Variants in SP140 observed in about 807,000 individuals in gnomAD.
SP140 encodes SP140 nuclear body protein, also known as nuclear body protein SP140.
In SP140, 81 loss-of-function variants were observed where a neutral mutation model predicts 125.0. The ratio of observed to expected loss-of-function variants is 0.65; its 90% CI spans 0.54 to 0.78. The LOEUF (loss-of-function observed/expected upper bound fraction) is 0.78. Among genes scored for constraint, SP140 ranks in the 30% least tolerant of loss-of-function variants. SP140 has a pLI of 0.00. For missense variants in SP140, 858 were observed against 1,037.0 expected (o/e 0.83, Z 2.37); for synonymous variants, 312 against 354.0 (o/e 0.88, Z 1.33).
At chr2:230,305,859 G>T (rs535711807) in intron 22 of SP140, among the ~76,000 whole-genome samples, 1 of 152,232 alleles carries the variant, frequency 6.6e-6, no homozygotes, top group Admixed American at 6.5e-5. Flanking sequence ...GATCTGCCCC[G>T]AGTTAGAGTG....
intron 22 of SP140, among the ~76,000 whole-genome samples, chr2:230,301,946 A>G (rs978125444): frequency 3.3e-5 from 5 of 152,212 alleles, no homozygotes; most frequent in African/African-American, 4.8e-5. Flanking sequence ...AAGATATGCC[A>G]TGCAAATGGA....
chr2:230,194,248 G>C, the SP140 span, among the ~76,000 whole-genome samples: 1 of 152,070 alleles, frequency 6.6e-6, no homozygotes, highest in Non-Finnish European at 1.5e-5. Context: ...CAGAATCCAA[G>C]AGAATCCCCA....
intron 3 of SP140, 40 bp from the exon 4 acceptor site, chr2:230,241,364 C>T (rs372896340): frequency 7.9e-7 from 1 of 1,258,488 alleles, no homozygotes; most frequent in Non-Finnish European, 1.2e-6. Context: ...CTCCTCTGGT[C>T]ACTGTCTGAG....
the SP140 span, among the ~76,000 whole-genome samples, chr2:230,194,035 G>A: frequency 3.3e-3 from 500 of 152,262 alleles, 3 homozygotes; most frequent in African/African-American, 0.012. Context: ...AGGCAGTGGG[G>A]TGGGGAACTA....
At chr2:230,202,058 G>T (rs1480782346), upstream of SP140, among the ~76,000 whole-genome samples, 1 of 152,108 alleles carries the variant, frequency 6.6e-6, no homozygotes, top group Admixed American at 6.5e-5. Context: ...TTTTTATAAA[G>T]CTCACTCACA....
chr2:230,222,845 T>G (rs1324173592), upstream of SP140, among the ~76,000 whole-genome samples: 8 of 151,288 alleles, frequency 5.3e-5, no homozygotes, highest in Non-Finnish European at 1.2e-4. Flanking sequence ...TTAAAGTTTT[T>G]TTTTTTTTTT....
intron 18 of SP140, 47 bp downstream of exon 18, chr2:230,288,013 T>A: frequency 2.0e-6 from 3 of 1,496,782 alleles, no homozygotes; most frequent in Non-Finnish European, 2.8e-6. Context: ...AACATCTAAT[T>A]TCCTGTGCGG....
chr2:230,237,783 C>T lies in SP140; in HGVS notation c.238-430C>T, dbSNP rs2048194448. Among the ~76,000 whole-genome samples, 1 of 152,030 alleles carries T rather than the reference C, an allele frequency of 6.6e-6. No homozygotes were observed. The highest frequency in any genetic ancestry group is 2.4e-5 in the African/African-American group (1 of 41,358). On this transcript the variant is annotated intron_variant, in intron 2 of 26. Transcript: ENST00000392045. This position sits in a 1 kb window ranked among gnomAD's most constrained non-coding sequence, Gnocchi z 5.4. ...GCCCTTAGGGATACTGAGGACAAGG[C>T]TTCTTCTTGTCTTTGTGAATTTTCT...
At chr2:230,245,824 A>T in intron 6 of SP140, 39 bp from the exon 7 acceptor site, 1 of 1,345,298 alleles carries the variant, frequency 7.4e-7, no homozygotes, top group Non-Finnish European at 1.1e-6. Flanking sequence ...TGTCCAGGTC[A>T]CTGCCAATTG....
upstream of SP140, chr2:230,225,571 T>C: frequency 3.8e-6 from 2 of 526,368 alleles, no homozygotes; most frequent in Non-Finnish European, 3.4e-6. Flanking sequence ...TTGAATGACT[T>C]TTCCACCCTC....
Position 230,236,842 on chromosome 2 carries a change from G to A in SP140, c.60-241G>A, listed in dbSNP as rs1183409306. Among the ~76,000 whole-genome samples, 5 of 152,270 alleles carry A rather than the reference G, an allele frequency of 3.3e-5. No individual in the cohort carries two copies. The South Asian group carries it at 1.0e-3, about 32-fold the overall frequency. ...AAGGTCTCTTTATAATAGTTTGATT[G>A]GAACAGGGTGAGCCTTTTTACTTCT... On this transcript the variant is annotated intron_variant, in intron 1 of 26. Transcript: ENST00000392045.
intron 1 of SP140, chr2:230,209,956 C>T: frequency 6.2e-7 from 1 of 1,609,068 alleles, no homozygotes. Context: ...GTGTGCTGGA[C>T]ACCTCCTGGG....
chr2:230,203,895 A>C (rs974180748), intron 1 of SP140, among the ~76,000 whole-genome samples: 1 of 152,118 alleles, frequency 6.6e-6, no homozygotes, highest in African/African-American at 2.4e-5. Context: ...TACAAGATAA[A>C]AGAGTCCTGG....
In SP140 at chr2:230,237,030, C is replaced by T; in HGVS notation, c.60-53C>T. ...CATGTCTAAAATCTTCTAACCACCACAAACCTCTTGGAAACTCAGTGTCTA... is the reference window on the plus strand; with the variant it reads ...CATGTCTAAAATCTTCTAACCACCATAAACCTCTTGGAAACTCAGTGTCTA... On this transcript the variant is annotated intron_variant, in intron 1 of 26. Transcript: ENST00000392045. This position sits in a 1 kb window ranked among gnomAD's most constrained non-coding sequence, Gnocchi z 5.4. 6.9e-7 allele frequency: 1 copy of T among 1,447,176 alleles called. No homozygotes were observed. Among genetic ancestry groups the T allele is most frequent in the Non-Finnish European group, 9.2e-7 (1 of 1,084,230 alleles). 89.6% of individuals were successfully genotyped at this position (1,447,176 alleles called of 1,614,324 possible).
chr2:230,188,537 G>T, the SP140 span, among the ~76,000 whole-genome samples: 1 of 152,162 alleles, frequency 6.6e-6, no homozygotes, highest in Non-Finnish European at 1.5e-5. Context: ...AATAGAAGTG[G>T]TGAAAGTGGG....
At chr2:230,221,136 C>A (rs1284989071), upstream of SP140, among the ~76,000 whole-genome samples, 1 of 151,642 alleles carries the variant, frequency 6.6e-6, no homozygotes, top group African/African-American at 2.4e-5. Flanking sequence ...CAAAAATTAG[C>A]CAGATGTGGT....
At chr2:230,217,245 C>CAAAAAAA (rs6147220) in intron 3 of SP140, among the ~76,000 whole-genome samples, 7 of 79,790 alleles carry the variant, frequency 8.8e-5, no homozygotes, top group Non-Finnish European at 1.2e-4. Context: ...GACTCCATCT[C>CAAAAAAA]AAAAAAAAAA....
In SP140 at chr2:230,310,387, C is replaced by T. The variant is rs183224493; in HGVS notation, c.2174+348C>T. On this transcript the variant is annotated intron_variant, in intron 23 of 26. Transcript: ENST00000392045. ...GCTTATTCATACAAGACAGGAAGCA[C>T]GATCTCATTGGGCTGTTGGAGGCCC... The T allele has an allele frequency of 9.7e-5, 48 of 492,742 alleles. 1 individual carries two copies. In the Admixed American group the frequency reaches 1.1e-3, roughly 12 times the overall value. 30.5% of individuals were successfully genotyped at this position (492,742 alleles called of 1,614,324 possible). A position where few individuals can be genotyped will look rare whatever the true frequency, so the allele number is the denominator to read the frequency against.
At chr2:230,248,706 CG>C (rs2049890283) in intron 8 of SP140, among the ~76,000 whole-genome samples, 178 bp from the exon 9 acceptor site, 1 of 152,056 alleles carries the variant, frequency 6.6e-6, no homozygotes, top group Non-Finnish European at 1.5e-5. Flanking sequence ...GGAGGCAGAA[CG>C]GTGAGGAGGA....
Sources: gnomAD v4.1 joint callset for allele counts (sites outside exome capture counted in the v4.1 genomes callset) on GRCh38, gnomAD v4.1.1 for gene constraint, Gnocchi (gnomAD v3.1) non-coding constraint, MANE v1.5 for transcripts, NCBI Gene and HGNC (gene_info 2026-07-23, HGNC 2026-07-21) for gene names.